Variants in COL6A5 observed in about 807,000 individuals in gnomAD.
COL6A5 encodes the protein collagen alpha-5(VI) chain.
COL6A5 carries 48 observed loss-of-function variants against 65.6 expected under a neutral mutation model. The observed-to-expected ratio is 0.73, with a 90% CI of 0.58 to 0.93. The LOEUF is 0.93. Ranked by LOEUF, COL6A5 falls within the 40% of genes least tolerant of loss-of-function variation. The pLI is 0.00. For synonymous variants in COL6A5, 291 were observed against 322.8 expected (o/e 0.90, Z 1.05); for missense variants, 914 against 928.3 (o/e 0.98, Z 0.20).
exon 30 of COL6A5, chr3:130,426,247 T>C (rs773613339): frequency 6.4e-7 from 1 of 1,551,366 alleles, no homozygotes; most frequent in Middle Eastern, 1.7e-4. Flanking sequence ...GCCTGTATAT[T>C]CTGTATGTAT....
chr3:130,346,489 A>G (rs1362280333), intron 1 of COL6A5, among the ~76,000 whole-genome samples: 1 of 152,208 alleles, frequency 6.6e-6, no homozygotes, highest in African/African-American at 2.4e-5. Flanking sequence ...TTCAGTTATA[A>G]AAATAACTTC....
chr3:130,470,897 G>A (rs752185068), exon 7 of COL6A5: 1 of 1,612,406 alleles, frequency 6.2e-7, no homozygotes, highest in African/African-American at 1.3e-5. Context: ...TCCCACCGAA[G>A]ATATGAAAGC....
intron 3 of COL6A5, among the ~76,000 whole-genome samples, chr3:130,378,465 A>C (rs907640103): frequency 1.3e-5 from 2 of 152,144 alleles, no homozygotes; most frequent in African/African-American, 4.8e-5. Context: ...TCCAAGAATC[A>C]TTATCTCTTT....
At chr3:130,389,936 C>T (rs1449817488) in intron 6 of COL6A5, among the ~76,000 whole-genome samples, 1 of 152,064 alleles carries the variant, frequency 6.6e-6, no homozygotes, top group Non-Finnish European at 1.5e-5. Context: ...TGTGTTGTTC[C>T]TGTGGCAACA....
At chr3:130,387,642 C>A (rs1275026187) in intron 5 of COL6A5, among the ~76,000 whole-genome samples, 4 of 151,912 alleles carry the variant, frequency 2.6e-5, no homozygotes, top group Non-Finnish European at 5.9e-5. Flanking sequence ...AACATCTTTT[C>A]ATTTTTTTAA....
At chr3:130,429,885 T>C (rs1330330762), upstream of COL6A5, among the ~76,000 whole-genome samples, 1 of 152,182 alleles carries the variant, frequency 6.6e-6, no homozygotes, top group Non-Finnish European at 1.5e-5. Context: ...ATCCACGTTC[T>C]GTTGCTCTGT....
At chr3:130,407,215 G>A (rs1347076187) in intron 17 of COL6A5, among the ~76,000 whole-genome samples, 1 of 152,114 alleles carries the variant, frequency 6.6e-6, no homozygotes, top group Non-Finnish European at 1.5e-5. Flanking sequence ...AGGGTTCAGG[G>A]CACTGCCAAA....
rs1309518443 is a variant in COL6A5 at position 130,391,789 on chromosome 3, G to A, written c.2992+35G>A. ...TACTTTTAAAGTTTCTATGGGGGTA[G>A]CAATAAAAGTTTAAACAAAAAGTAA... On this transcript the variant is annotated intron_variant and NMD_transcript_variant, in intron 7 of 41. Transcript: ENST00000312481. The A allele has an allele frequency of 2.1e-6, 3 of 1,452,532 alleles. No individual in the cohort carries two copies. In the African/African-American group the frequency reaches 4.3e-5, roughly 21 times the overall value. The allele number at this position is 1,452,532 out of a possible 1,614,324, so 90.0% of individuals were successfully genotyped here. A position where few individuals can be genotyped will look rare whatever the true frequency, so the allele number is the denominator to read the frequency against.
intron 5 of COL6A5, among the ~76,000 whole-genome samples, chr3:130,466,977 C>G (rs1345143165): frequency 6.6e-6 from 1 of 151,814 alleles, no homozygotes; most frequent in Non-Finnish European, 1.5e-5. Flanking sequence ...AAAGAAAACT[C>G]CAGGTATGGA....
At chr3:130,446,658 C>A (rs569587907) in intron 4 of COL6A5, among the ~76,000 whole-genome samples, 5 of 152,056 alleles carry the variant, frequency 3.3e-5, no homozygotes, top group African/African-American at 1.2e-4. Context: ...CTGACACAGA[C>A]GTCTTTTCTC....
chr3:130,387,373 A>G (rs1468792803), intron 5 of COL6A5, among the ~76,000 whole-genome samples: 1 of 152,124 alleles, frequency 6.6e-6, no homozygotes, highest in African/African-American at 2.4e-5. Flanking sequence ...TTTCTGTCAC[A>G]AATAGATACC....
chr3:130,445,619 GA>G (rs1709286350), intron 4 of COL6A5, among the ~76,000 whole-genome samples: 1 of 152,050 alleles, frequency 6.6e-6, no homozygotes, highest in Admixed American at 6.6e-5. Context: ...GCCAATTTCC[GA>G]AGTTCTGGGT....
intron 6 of COL6A5, 90 bp downstream of exon 6, chr3:130,389,224 C>A: frequency 1.3e-6 from 1 of 778,744 alleles, no homozygotes. Flanking sequence ...GCCCTGACCT[C>A]CACCTGGACT....
intron 1 of COL6A5, among the ~76,000 whole-genome samples, chr3:130,365,499 G>A (rs1935302804): frequency 6.6e-6 from 1 of 152,074 alleles, no homozygotes; most frequent in Non-Finnish European, 1.5e-5. Flanking sequence ...GGATGGTCTC[G>A]ATCTCCTGAC....
chr3:130,351,501 T>G (rs1934704170), intron 1 of COL6A5, among the ~76,000 whole-genome samples: 1 of 152,196 alleles, frequency 6.6e-6, no homozygotes, highest in South Asian at 2.1e-4. Flanking sequence ...GCAAAGTGTA[T>G]GAACAGACAC....
At chr3:130,422,920 A>G (rs995807989) in intron 28 of COL6A5, 138 bp downstream of exon 28, 5 of 518,758 alleles carry the variant, frequency 9.6e-6, no homozygotes, top group African/African-American at 2.0e-5. Context: ...CCTTCAACAC[A>G]TCTTTTCAGG....
At chr3:130,409,614 G>A (rs1286423900) in intron 18 of COL6A5, among the ~76,000 whole-genome samples, 1 of 152,148 alleles carries the variant, frequency 6.6e-6, no homozygotes, top group African/African-American at 2.4e-5. Context: ...TCCTTTGGGA[G>A]AACATTTCCA....
chr3:130,386,456 C>G (rs1165716556), intron 5 of COL6A5, among the ~76,000 whole-genome samples: 1 of 152,026 alleles, frequency 6.6e-6, no homozygotes, highest in African/African-American at 2.4e-5. Context: ...TGAATTTTCT[C>G]TAAGCCACTG....
intron 1 of COL6A5, among the ~76,000 whole-genome samples, chr3:130,362,886 C>G (rs1032887202): frequency 6.6e-6 from 1 of 152,160 alleles, no homozygotes; most frequent in Non-Finnish European, 1.5e-5. Context: ...ATATCTTTCT[C>G]TATCCAATTT....
Sources: allele counts gnomAD v4.1 joint callset (sites outside exome capture counted in the v4.1 genomes callset), GRCh38; gene constraint gnomAD v4.1.1; transcripts MANE v1.5; gene names NCBI Gene and HGNC (gene_info 2026-07-23, HGNC 2026-07-21).